The following AJAP1 variants were observed in gnomAD, a reference collection of about 807,000 sequenced individuals.
The protein encoded by AJAP1 is adherens junction-associated protein 1.
In AJAP1, 5 loss-of-function variants were observed where a neutral mutation model predicts 35.0. The observed-to-expected ratio is 0.14, with a 90% CI of 0.07 to 0.30. The LOEUF (loss-of-function observed/expected upper bound fraction) is 0.30, where lower values mean the gene tolerates loss of function less well. Among genes scored for constraint, AJAP1 ranks in the 10% least tolerant of loss-of-function variants. AJAP1 has a pLI of 1.00. For missense variants in AJAP1, 586 were observed against 571.0 expected, an observed-to-expected ratio of 1.03 and a Z score of -0.27; for synonymous variants, 284 against 249.3, an observed-to-expected ratio of 1.14 and a Z score of -1.31.
intron 2 of AJAP1, among the ~76,000 whole-genome samples, chr1:4,716,286 G>T (rs1477421608): frequency 1.3e-5 from 2 of 152,220 alleles, no homozygotes; most frequent in African/African-American, 4.8e-5. Flanking sequence ...GAGTCCCACT[G>T]CCTGTCTTCA....
At position 4,733,717 on chromosome 1, in the gene AJAP1, C is replaced by T. The variant is rs566495977; in HGVS notation, c.829+21018C>T. On this transcript the variant is annotated intron_variant, in intron 2 of 5. Coordinates refer to ENST00000378191, the MANE Select transcript of AJAP1 (RefSeq NM_018836.4). ...CATCCTGACCCATCTCTGACCTGGT[C>T]CAGGACAGCCCACCCCTCCCCTTGT... Among the ~76,000 whole-genome samples the T allele has an allele frequency of 1.9e-4, 29 of 152,052 alleles. 1 individual carries two copies. In the East Asian group the frequency reaches 5.2e-3, roughly 27 times the overall value.
Position 4,683,773 on chromosome 1 carries a change from G to A in AJAP1, c.30-28127G>A, listed in dbSNP as rs368327920. 8.5e-5 allele frequency among the ~76,000 whole-genome samples: 13 copies of A among 152,292 alleles called. No homozygotes were observed. In the East Asian group the frequency reaches 2.1e-3, roughly 25 times the overall value. On this transcript the variant is annotated intron_variant, in intron 1 of 5. Coordinates refer to ENST00000378191, the MANE Select transcript of AJAP1 (RefSeq NM_018836.4). ...GGGCACTCCCTGTGTGCCAGCTCCCGAGTACTGATGGGGCTCAGGGGGCAA... is the reference window on the plus strand; with the variant it reads ...GGGCACTCCCTGTGTGCCAGCTCCCAAGTACTGATGGGGCTCAGGGGGCAA...
At chr1:4,708,800 G>A (rs1258045071) in intron 1 of AJAP1, among the ~76,000 whole-genome samples, 1 of 151,538 alleles carries the variant, frequency 6.6e-6, no homozygotes, top group Non-Finnish European at 1.5e-5. Context: ...GTCTTCCTAT[G>A]GGAGGGGCTT....
At chr1:4,775,142 G>A (rs1299999653) in intron 5 of AJAP1, among the ~76,000 whole-genome samples, 3 of 152,180 alleles carry the variant, frequency 2.0e-5, no homozygotes, top group South Asian at 2.1e-4. Flanking sequence ...AATTTTCCAC[G>A]CTCTGCTGGA....
At chr1:4,758,611 C>A (rs993492599) in intron 2 of AJAP1, among the ~76,000 whole-genome samples, 8 of 152,138 alleles carry the variant, frequency 5.3e-5, no homozygotes, top group Non-Finnish European at 1.0e-4. Context: ...GATTCAATTA[C>A]CCCCACTTGG....
intron 2 of AJAP1, among the ~76,000 whole-genome samples, chr1:4,738,198 C>T (rs897199252): frequency 2.0e-5 from 3 of 152,226 alleles, no homozygotes; most frequent in Non-Finnish European, 4.4e-5. Flanking sequence ...TGGCAGGCCA[C>T]GGCCATGCAT....
intron 2 of AJAP1, among the ~76,000 whole-genome samples, chr1:4,729,115 A>G (rs1640741430): frequency 6.6e-6 from 1 of 152,216 alleles, no homozygotes; most frequent in Non-Finnish European, 1.5e-5. Flanking sequence ...CAACACCAAG[A>G]GACGGATCAT....
rs931302494 is a variant in AJAP1 at position 4,692,460 on chromosome 1, T to C, written c.30-19440T>C. Among the ~76,000 whole-genome samples, 3 of 152,172 alleles carry C rather than the reference T, an allele frequency of 2.0e-5. No individual in the cohort carries two copies. Among genetic ancestry groups the C allele is most frequent in the Non-Finnish European group, 2.9e-5 (2 of 68,018 alleles). On this transcript the variant is annotated intron_variant, in intron 1 of 5. Transcript: ENST00000378191. This position sits in a 1 kb window ranked among gnomAD's most constrained non-coding sequence, Gnocchi z 4.4. Reference sequence around the variant, plus strand: ...TTACGAGGACTTGTAATTGCTTTGCTGGCTGGGTCCCAAGGAAGCACCTGC... The same window carrying C: ...TTACGAGGACTTGTAATTGCTTTGCCGGCTGGGTCCCAAGGAAGCACCTGC...
At chr1:4,680,445 G>T (rs866087559) in intron 1 of AJAP1, among the ~76,000 whole-genome samples, 1 of 152,212 alleles carries the variant, frequency 6.6e-6, no homozygotes, top group Non-Finnish European at 1.5e-5. Flanking sequence ...ACATGAACAT[G>T]GGGGGACACA....
At chr1:4,713,781 G>A (rs992131144) in intron 2 of AJAP1, among the ~76,000 whole-genome samples, 20 of 152,266 alleles carry the variant, frequency 1.3e-4, no homozygotes, top group Admixed American at 7.2e-4. Context: ...ATTTTAGGGC[G>A]TCAGTACAAA....
At chr1:4,705,314 G>C (rs2100252803) in intron 1 of AJAP1, among the ~76,000 whole-genome samples, 1 of 146,770 alleles carries the variant, frequency 6.8e-6, no homozygotes, top group East Asian at 2.1e-4. Context: ...TACCATTCAG[G>C]ACATAGGCAT....
At chr1:4,739,501 A>C (rs1344232102) in intron 2 of AJAP1, among the ~76,000 whole-genome samples, 1 of 152,150 alleles carries the variant, frequency 6.6e-6, no homozygotes, top group African/African-American at 2.4e-5. Context: ...ATAAGTCAAA[A>C]AGTTAATTTG....
Position 4,712,199 on chromosome 1 carries a change from C to T in AJAP1, c.329C>T (p.Ala110Val), listed in dbSNP as rs1640266804. Residue 110 changes from alanine (A) to valine (V), a missense_variant, in exon 2 of 6, where the codon GCC (alanine) becomes GTC (valine). Physicochemically the swap from Ala to Val is moderately conservative, Grantham distance 64. Coordinates refer to ENST00000378191, the MANE Select transcript of AJAP1 (RefSeq NM_018836.4). ...CACAGGCCCCGGGACCAGGCGGCCG[C>T]CCTCGTGCCCAAGGCAGGACTGGCC... ...RAHRPRDQAA[A>V]LVPKAGLAKP... is the part of the protein sequence containing the mutation. The T allele has an allele frequency of 6.4e-7, 1 of 1,564,714 alleles. No individual in the cohort carries two copies. Among genetic ancestry groups the T allele is most frequent in the South Asian group, 1.2e-5 (1 of 84,578 alleles).
Position 4,770,796 on chromosome 1 carries a change from G to A in AJAP1, c.917+856G>A, listed in dbSNP as rs184007958. ...CAGGCTCTGGGATCAGAGGAGGTGG[G>A]ACTTCTTGACAGGCTGCAGGAGGGT... is the stretch of plus-strand genomic sequence containing the variant. On this transcript the variant is annotated intron_variant, in intron 3 of 5. Coordinates refer to ENST00000378191, the MANE Select transcript of AJAP1 (RefSeq NM_018836.4). 2.6e-5 allele frequency among the ~76,000 whole-genome samples: 4 copies of A among 152,264 alleles called. No individual in the cohort carries two copies. The East Asian group carries it at 7.8e-4, about 30-fold the overall frequency.
intron 2 of AJAP1, among the ~76,000 whole-genome samples, chr1:4,724,047 T>A (rs1351707853): frequency 6.6e-6 from 1 of 152,194 alleles, no homozygotes; most frequent in African/African-American, 2.4e-5. Context: ...CTTTTCCTTG[T>A]GAGAGCCTGT....
rs1286700707 is a variant in AJAP1, at chr1:4,790,656, C to G, written c.*8171C>G. On this transcript the variant is annotated 3_prime_UTR_variant, in exon 6 of 6. Transcript: ENST00000378191. ...CTCTGAAGCCAGAGGGTGAAAGGCC[C>G]TAGCAAAGTTAGTTATCAGTCAACT... is the stretch of plus-strand genomic sequence containing the variant. 1 of 152,204 alleles carries G rather than the reference C, an allele frequency of 6.6e-6. No individual in the cohort carries two copies. Among genetic ancestry groups the G allele is most frequent in the African/African-American group, 2.4e-5 (1 of 41,452 alleles). 9.4% of individuals were successfully genotyped at this position (152,204 alleles called of 1,614,324 possible).
chr1:4,674,066 A>AG (rs1553154413), intron 1 of AJAP1, among the ~76,000 whole-genome samples: 1 of 147,304 alleles, frequency 6.8e-6, no homozygotes, highest in Non-Finnish European at 1.5e-5. Context: ...AAAAAAAAAA[A>AG]GGAACAAAAA....
intron 2 of AJAP1, among the ~76,000 whole-genome samples, chr1:4,749,641 C>T (rs1298697068): frequency 2.0e-5 from 3 of 152,250 alleles, no homozygotes; most frequent in South Asian, 4.1e-4. Flanking sequence ...GCATCTCCCT[C>T]ATCACCGGGA....
At chr1:4,704,683 G>T (rs1390302727) in intron 1 of AJAP1, among the ~76,000 whole-genome samples, 1 of 152,156 alleles carries the variant, frequency 6.6e-6, no homozygotes, top group Non-Finnish European at 1.5e-5. Context: ...GTCATGGGAT[G>T]GCTGGGTCAA....
Sources: gnomAD v4.1 joint callset for allele counts (sites outside exome capture counted in the v4.1 genomes callset) on GRCh38, gnomAD v4.1.1 for gene constraint, Gnocchi (gnomAD v3.1) non-coding constraint, MANE v1.5 for transcripts, NCBI Gene and HGNC (gene_info 2026-07-23, HGNC 2026-07-21) for gene names.